The following PHC2 variants were observed in gnomAD, a reference collection of about 807,000 sequenced individuals.
The protein encoded by PHC2 is polyhomeotic-like protein 2.
A neutral mutation model predicts 87.4 loss-of-function variants in PHC2; 29 were observed. That is an observed-to-expected ratio of 0.33 (90% confidence interval 0.25 to 0.45). The LOEUF (loss-of-function observed/expected upper bound fraction) is 0.45. Ranked by LOEUF, PHC2 falls within the 20% of genes least tolerant of loss-of-function variation. The pLI is 1.00. For missense variants in PHC2, 857 were observed against 1,136.7 expected, an observed-to-expected ratio of 0.75 and a Z score of 3.54; for synonymous variants, 438 against 461.7, an observed-to-expected ratio of 0.95 and a Z score of 0.66.
chr1:33,419,170 C>T (rs1650327018), intron 1 of PHC2, among the ~76,000 whole-genome samples: 2 of 152,228 alleles, frequency 1.3e-5, no homozygotes, highest in South Asian at 4.1e-4. Context: ...AGACTACATA[C>T]ATGTTTGCCG....
At chr1:33,345,917 A>G (rs1432645795) in intron 9 of PHC2, 6 of 985,172 alleles carry the variant, frequency 6.1e-6, no homozygotes, top group Non-Finnish European at 6.0e-6. Context: ...CTTCAAGTGA[A>G]GCCTACCTCT....
intron 1 of PHC2, among the ~76,000 whole-genome samples, chr1:33,410,430 G>C (rs1649937618): frequency 6.6e-6 from 1 of 152,194 alleles, no homozygotes; most frequent in Admixed American, 6.6e-5. Flanking sequence ...GCTGCTTCTC[G>C]AAGCTGAAAA....
Position 33,332,244 on chromosome 1 carries a change from G to C in PHC2, c.1891+31C>G. 1 of 1,613,758 alleles carries C rather than the reference G, an allele frequency of 6.2e-7. No homozygotes were observed. Among genetic ancestry groups the C allele is most frequent in the Non-Finnish European group, 8.5e-7 (1 of 1,179,666 alleles). On this transcript the variant is annotated intron_variant, in intron 11 of 14. Transcript: ENST00000683057. This position sits in a 1 kb window ranked among gnomAD's most constrained non-coding sequence, Gnocchi z 4.2. ...GCCTGCCTTTCCAGCCACGCTGGGA[G>C]GCCGAGAGATTCAGGGTCTGAGATG... is the stretch of plus-strand genomic sequence containing the variant.
At chr1:33,335,916 A>G (rs924840226) in intron 9 of PHC2, among the ~76,000 whole-genome samples, 4 of 145,374 alleles carry the variant, frequency 2.8e-5, no homozygotes, top group African/African-American at 7.5e-5. Context: ...GGAGGGGGGG[A>G]AAGAAAAGAT....
At position 33,369,116 on chromosome 1, in the gene PHC2, CT is replaced by C. The variant is rs2148322198; in HGVS notation, c.577-495del. Among the ~76,000 whole-genome samples the C allele has an allele frequency of 6.6e-6, 1 of 152,286 alleles. No homozygotes were observed. Among genetic ancestry groups the C allele is most frequent in the South Asian group, 2.1e-4 (1 of 4,826 alleles). ...TCCAGGGGATCAAGTTCGATGTATCCTTTTGGTCATTTTCTAGTCAAAGTTA... is the reference window on the plus strand; with the variant it reads ...TCCAGGGGATCAAGTTCGATGTATCCTTTGGTCATTTTCTAGTCAAAGTTA... On this transcript the variant is annotated intron_variant, in intron 5 of 14. Coordinates refer to ENST00000683057, the MANE Select transcript of PHC2 (RefSeq NM_001385109.1). The surrounding 1 kb of genome is among the most constrained non-coding windows in gnomAD (Gnocchi z 4.7).
intron 14 of PHC2, among the ~76,000 whole-genome samples, chr1:33,327,009 A>G (rs1230618542): frequency 1.3e-5 from 2 of 152,208 alleles, no homozygotes; most frequent in African/African-American, 4.8e-5. Flanking sequence ...GCAGGCTGAG[A>G]AAACGACTAC....
At chr1:33,337,271 A>G (rs1487012423) in intron 9 of PHC2, among the ~76,000 whole-genome samples, 3 of 152,178 alleles carry the variant, frequency 2.0e-5, no homozygotes, top group Admixed American at 6.6e-5. Context: ...CATTTGTTTG[A>G]ATACCTCCAG....
chr1:33,347,615 A>G (rs1342954738), intron 9 of PHC2: 1 of 985,380 alleles, frequency 1.0e-6, no homozygotes, highest in East Asian at 1.1e-4. Flanking sequence ...TAGTTGGACA[A>G]CTGAGAAACC....
In PHC2 at chr1:33,364,359, GACACACACAC is replaced by G. The variant is rs34902529; in HGVS notation, c.976+2747_976+2756del. 3.4e-5 allele frequency among the ~76,000 whole-genome samples: 5 copies of G among 145,726 alleles called. No individual in the cohort carries two copies. Among genetic ancestry groups the G allele is most frequent in the African/African-American group, 7.7e-5 (3 of 38,956 alleles). ...GCGCTCGCTTGCTTTCTCTCTCCCA[GACACACACAC>G]ACACACACACACACTTGCTTTCACA... On this transcript the variant is annotated intron_variant, in intron 7 of 14. Transcript: ENST00000683057. This position sits in a 1 kb window ranked among gnomAD's most constrained non-coding sequence, Gnocchi z 4.1.
At chr1:33,342,187 GA>G (rs1285441304) in intron 9 of PHC2, among the ~76,000 whole-genome samples, 1 of 152,246 alleles carries the variant, frequency 6.6e-6, no homozygotes, top group East Asian at 1.9e-4. Flanking sequence ...CAAGCCAGGG[GA>G]CCCTCCAGCC....
chr1:33,358,948 A>C (rs1249884527), intron 7 of PHC2: 1 of 152,168 alleles, frequency 6.6e-6, no homozygotes, highest in Non-Finnish European at 1.5e-5. Flanking sequence ...CCAGAAGTCA[A>C]GTGTGAGCTC....
At chr1:33,338,518 T>G in intron 9 of PHC2, among the ~76,000 whole-genome samples, 1 of 152,234 alleles carries the variant, frequency 6.6e-6, no homozygotes, top group East Asian at 1.9e-4. Flanking sequence ...GAGTTTGGGC[T>G]ATTCCTGGAA....
chr1:33,357,993 G>A (rs72658260), intron 7 of PHC2, among the ~76,000 whole-genome samples: 5 of 152,026 alleles, frequency 3.3e-5, no homozygotes, highest in Non-Finnish European at 7.4e-5. Context: ...CTGGCTGTGC[G>A]GCCTGAGACA....
chr1:33,402,899 C>T (rs566721756), intron 1 of PHC2, among the ~76,000 whole-genome samples: 1 of 152,158 alleles, frequency 6.6e-6, no homozygotes, highest in South Asian at 2.1e-4. Context: ...GATCTCGCCT[C>T]CTGGGTTCAT....
chr1:33,403,790 A>C (rs1439506056), intron 1 of PHC2, among the ~76,000 whole-genome samples: 1 of 152,194 alleles, frequency 6.6e-6, no homozygotes, highest in Non-Finnish European at 1.5e-5. Flanking sequence ...TTGGTGTCTC[A>C]GCAGCATTCA....
At chr1:33,358,265 T>G (rs1403470511) in intron 7 of PHC2, among the ~76,000 whole-genome samples, 1 of 152,168 alleles carries the variant, frequency 6.6e-6, no homozygotes, top group Non-Finnish European at 1.5e-5. Flanking sequence ...TTGCCTGGCT[T>G]CTATTCCTGT....
intron 1 of PHC2, among the ~76,000 whole-genome samples, chr1:33,398,896 C>T (rs550095127): frequency 6.6e-6 from 1 of 152,270 alleles, no homozygotes; most frequent in East Asian, 1.9e-4. Context: ...GTTCTTGGGG[C>T]AAGTCCAGTT....
chr1:33,332,335 G>T lies in PHC2; in HGVS notation c.1831C>A (p.Leu611Ile), dbSNP rs777446850. 1.9e-6 allele frequency: 3 copies of T among 1,614,194 alleles called. No homozygotes were observed. Among genetic ancestry groups the T allele is most frequent in the East Asian group, 4.5e-5 (2 of 44,880 alleles). The change falls in exon 11 of 15, where the codon CTT (leucine) becomes ATT (isoleucine). Residue 611 changes from leucine (L) to isoleucine (I), a missense_variant. This residue lies in a region of PHC2 where 832 missense variants were observed against 1,081.8 expected (regional missense o/e 0.77). Transcript: ENST00000683057. The surrounding 1 kb of genome is among the most constrained non-coding windows in gnomAD (Gnocchi z 4.2). ...GTGGTGGTGTGATCCTGCTGTGGAAGTTTCTCAGGCAGGAACCCCTGTGCA... is the reference window on the plus strand; with the variant it reads ...GTGGTGGTGTGATCCTGCTGTGGAATTTTCTCAGGCAGGAACCCCTGTGCA... The part of the protein sequence containing the change: ...KYAQGFLPEK[L>I]PQQDHTTTTD...
At chr1:33,423,881 G>A (rs1375865501) in intron 1 of PHC2, among the ~76,000 whole-genome samples, 4 of 152,050 alleles carry the variant, frequency 2.6e-5, no homozygotes, top group Non-Finnish European at 5.9e-5. Context: ...GGCAGATCAC[G>A]AGGTCAGGAG....
Sources: gnomAD v4.1 joint callset for allele counts (sites outside exome capture counted in the v4.1 genomes callset) on GRCh38, gnomAD v4.1.1 for gene constraint, gnomAD v4.1.1 regional missense constraint, Gnocchi (gnomAD v3.1) non-coding constraint, MANE v1.5 for transcripts, NCBI Gene and HGNC (gene_info 2026-07-23, HGNC 2026-07-21) for gene names.